The following PPP2R2A variants were observed in gnomAD, a reference collection of about 807,000 sequenced individuals.
PPP2R2A encodes protein phosphatase 2 regulatory subunit Balpha.
PPP2R2A carries 9 observed loss-of-function variants against 53.2 expected under a neutral mutation model. That is an observed-to-expected ratio of 0.17 (90% CI 0.10 to 0.30). PPP2R2A has a LOEUF of 0.30. Ranked by LOEUF, PPP2R2A falls within the 10% of genes least tolerant of loss-of-function variation. PPP2R2A has a pLI of 1.00. For synonymous variants in PPP2R2A, 169 were observed against 174.2 expected, an observed-to-expected ratio of 0.97 and a Z score of 0.23; for missense variants, 235 against 534.6, an observed-to-expected ratio of 0.44 and a Z score of 5.53.
intron 1 of PPP2R2A, 98 bp downstream of exon 1, chr8:26,291,924 CA>C: frequency 6.7e-7 from 1 of 1,499,774 alleles, no homozygotes; most frequent in Non-Finnish European, 9.0e-7. Context: ...CGCAGAGCCA[CA>C]GGGCGCCCCT....
At chr8:26,333,084 G>A (rs1803467104) in intron 2 of PPP2R2A, among the ~76,000 whole-genome samples, 1 of 152,208 alleles carries the variant, frequency 6.6e-6, no homozygotes, top group South Asian at 2.1e-4. Context: ...GCACATTTTG[G>A]TTGTAACATC....
chr8:26,330,504 T>C (rs917215562), intron 2 of PPP2R2A, among the ~76,000 whole-genome samples: 1 of 139,888 alleles, frequency 7.1e-6, no homozygotes, highest in Admixed American at 7.0e-5. Flanking sequence ...AGTTTTTTTG[T>C]TTTTTTAGTA....
intron 1 of PPP2R2A, chr8:26,293,212 G>T: frequency 6.5e-7 from 1 of 1,534,492 alleles, no homozygotes; most frequent in Non-Finnish European, 8.7e-7. Flanking sequence ...TGGTGATAAG[G>T]TTCATATGAA....
chr8:26,363,070 C>G (rs1585410633), intron 7 of PPP2R2A: 1 of 461,868 alleles, frequency 2.2e-6, no homozygotes, highest in African/African-American at 2.0e-5. Flanking sequence ...GAATATATCT[C>G]TCATGGAATG....
intron 2 of PPP2R2A, among the ~76,000 whole-genome samples, chr8:26,324,747 C>A (rs2117278074): frequency 6.6e-6 from 1 of 152,172 alleles, no homozygotes; most frequent in Non-Finnish European, 1.5e-5. Flanking sequence ...TCCACACCAG[C>A]CTGTGAAAGC....
chr8:26,325,131 G>T (rs962762077), intron 2 of PPP2R2A, among the ~76,000 whole-genome samples: 1 of 151,454 alleles, frequency 6.6e-6, no homozygotes, highest in Admixed American at 6.6e-5. Flanking sequence ...CATGAGATTT[G>T]GAGGGGTTGG....
intron 2 of PPP2R2A, among the ~76,000 whole-genome samples, chr8:26,328,363 T>TA (rs1803200819): frequency 6.6e-6 from 1 of 152,236 alleles, no homozygotes. Context: ...TATTAATATG[T>TA]AAAAGTTGCA....
In PPP2R2A at chr8:26,360,896, A is replaced by G; in HGVS notation, c.460-78A>G. On this transcript the variant is annotated intron_variant, in intron 5 of 9. Coordinates refer to ENST00000380737, the MANE Select transcript of PPP2R2A (RefSeq NM_002717.4). This position sits in a 1 kb window ranked among gnomAD's most constrained non-coding sequence, Gnocchi z 4.5. ...TTTTATGTTCTCAAAAACTGAAATA[A>G]TGAAGTTTTCTGAATCTTAATTGCT... is the stretch of plus-strand genomic sequence containing the variant. 7.2e-7 allele frequency: 1 copy of G among 1,380,218 alleles called. No individual in the cohort carries two copies. The highest frequency in any genetic ancestry group is 2.4e-5 in the East Asian group (1 of 41,596). The allele number at this position is 1,380,218 out of a possible 1,614,324, so 85.5% of individuals were successfully genotyped here.
intron 2 of PPP2R2A, among the ~76,000 whole-genome samples, chr8:26,327,627 G>A (rs1183169296): frequency 1.3e-5 from 2 of 152,146 alleles, no homozygotes; most frequent in South Asian, 2.1e-4. Flanking sequence ...AAAGAGCGTC[G>A]TAGTGGTCTG....
intron 2 of PPP2R2A, 183 bp downstream of exon 2, chr8:26,293,923 G>C (rs892936400): frequency 3.4e-6 from 2 of 594,482 alleles, no homozygotes; most frequent in Admixed American, 3.2e-5. Flanking sequence ...TGTTATTTAC[G>C]CCTTGTTTTT....
At chr8:26,346,461 A>G (rs565936176) in intron 3 of PPP2R2A, among the ~76,000 whole-genome samples, 1 of 152,084 alleles carries the variant, frequency 6.6e-6, no homozygotes, top group Admixed American at 6.6e-5. Context: ...TTATTTATTG[A>G]AATTTTTTCA....
intron 2 of PPP2R2A, among the ~76,000 whole-genome samples, chr8:26,306,742 G>A (rs552630670): frequency 5.9e-5 from 9 of 152,198 alleles, no homozygotes; most frequent in African/African-American, 1.9e-4. Context: ...TACTCAAGAG[G>A]CCAAGGCAGG....
rs989844008 is a variant in PPP2R2A at position 26,321,173 on chromosome 8, G to T, written c.83-17717G>T. The stretch of plus-strand genomic sequence containing the variant: ...TTTCTGTGGTTGTGAAGCGCTAGTA[G>T]GAGTAAGTGACAGGACCTACTTTGA... On this transcript the variant is annotated intron_variant, in intron 2 of 9. Transcript: ENST00000380737. This position sits in a 1 kb window ranked among gnomAD's most constrained non-coding sequence, Gnocchi z 4.1. Among the ~76,000 whole-genome samples the T allele has an allele frequency of 6.6e-6, 1 of 152,216 alleles. No homozygotes were observed. The highest frequency in any genetic ancestry group is 2.4e-5 in the African/African-American group (1 of 41,448).
chr8:26,362,023 A>ATTAATCTTAAGT lies in PPP2R2A; in HGVS notation c.638-658_638-657insATCTTAAGTTTA, dbSNP rs1051550188. On this transcript the variant is annotated intron_variant, in intron 6 of 9. Coordinates refer to ENST00000380737, the MANE Select transcript of PPP2R2A (RefSeq NM_002717.4). The surrounding 1 kb of genome is among the most constrained non-coding windows in gnomAD (Gnocchi z 4.4). Reference sequence around the variant, plus strand: ...TAATTGATATTAAGATTAGATTAAGATTAGATTAAGATTAATCTTAAGATT... The same window carrying ATTAATCTTAAGT: ...TAATTGATATTAAGATTAGATTAAGATTAATCTTAAGTTTAGATTAAGATTAATCTTAAGATT... 7.1e-6 allele frequency among the ~76,000 whole-genome samples: 1 copy of ATTAATCTTAAGT among 140,826 alleles called. No homozygotes were observed. The highest frequency in any genetic ancestry group is 7.1e-5 in the Admixed American group (1 of 14,122). 92.4% of individuals were successfully genotyped at this position (140,826 alleles called of 152,430 possible).
rs113060746 is a variant in PPP2R2A at position 26,338,217 on chromosome 8, G to GA, written c.83-665dup. Among the ~76,000 whole-genome samples the GA allele has an allele frequency of 1.7e-3, 254 of 151,938 alleles. No homozygotes were observed. The highest frequency in any genetic ancestry group is 6.0e-3 in the African/African-American group (248 of 41,370). On this transcript the variant is annotated intron_variant, in intron 2 of 9. Transcript: ENST00000380737. The surrounding 1 kb of genome is among the most constrained non-coding windows in gnomAD (Gnocchi z 4.5). ...AAAGGGCTCTAGTGTGAAAAACCAAGAAAAAAAACTTGACAGTTTTCTTTG... is the reference window on the plus strand; with the variant it reads ...AAAGGGCTCTAGTGTGAAAAACCAAGAAAAAAAAACTTGACAGTTTTCTTTG...
chr8:26,360,606 T>C lies in PPP2R2A; in HGVS notation c.459+325T>C. On this transcript the variant is annotated intron_variant, in intron 5 of 9. Transcript: ENST00000380737. The surrounding 1 kb of genome is among the most constrained non-coding windows in gnomAD (Gnocchi z 4.5). ...TGGAAATCAAAAAAGTAGATACAGA[T>C]CAAATCTTCTAGTTGTAGCTAAAAA... 1 of 283,746 alleles carries C rather than the reference T, an allele frequency of 3.5e-6. No homozygotes were observed. The highest frequency in any genetic ancestry group is 6.4e-6 in the Non-Finnish European group (1 of 155,346). 17.6% of individuals were successfully genotyped at this position (283,746 alleles called of 1,614,324 possible).
intron 2 of PPP2R2A, among the ~76,000 whole-genome samples, chr8:26,316,920 A>G (rs1213662600): frequency 6.6e-6 from 1 of 152,268 alleles, no homozygotes; most frequent in Non-Finnish European, 1.5e-5. Flanking sequence ...CCATAGCAAC[A>G]TAAAGTAGAA....
intron 3 of PPP2R2A, among the ~76,000 whole-genome samples, chr8:26,341,107 C>T (rs936007952): frequency 1.3e-5 from 2 of 152,048 alleles, no homozygotes; most frequent in Non-Finnish European, 2.9e-5. Context: ...TTTGTAGAAA[C>T]TCAGTAACAT....
intron 2 of PPP2R2A, among the ~76,000 whole-genome samples, chr8:26,329,028 A>G (rs977648149): frequency 6.6e-6 from 1 of 152,144 alleles, no homozygotes; most frequent in Non-Finnish European, 1.5e-5. Context: ...TGGTTAGTTT[A>G]TAGTGATAAT....
Sources: allele counts gnomAD v4.1 joint callset (sites outside exome capture counted in the v4.1 genomes callset), GRCh38; gene constraint gnomAD v4.1.1; non-coding constraint Gnocchi (gnomAD v3.1); transcripts MANE v1.5; gene names NCBI Gene and HGNC (gene_info 2026-07-23, HGNC 2026-07-21).